Variants in OAS1 observed in about 807,000 individuals in gnomAD.
OAS1 encodes the protein 2'-5'-oligoadenylate synthetase 1, also known as 2'-5'-oligoadenylate synthase 1.
OAS1 carries 24 observed loss-of-function variants against 38.5 expected under a neutral mutation model. That is an observed-to-expected ratio of 0.62 (90% confidence interval 0.45 to 0.88). The LOEUF (loss-of-function observed/expected upper bound fraction) is 0.88. Among genes scored for constraint, OAS1 ranks in the 40% least tolerant of loss-of-function variants. The pLI is 0.00. For synonymous variants in OAS1, 169 were observed against 193.9 expected (o/e 0.87, Z 1.07); for missense variants, 482 against 493.9 (o/e 0.98, Z 0.23).
At chr12:112,909,572 G>A (rs1441772615) in intron 2 of OAS1, among the ~76,000 whole-genome samples, 2 of 152,150 alleles carry the variant, frequency 1.3e-5, no homozygotes, top group Non-Finnish European at 2.9e-5. Context: ...GAGACTGAAC[G>A]ATCACATGAG....
downstream of OAS1, among the ~76,000 whole-genome samples, chr12:112,921,455 A>G (rs2043528079): frequency 6.6e-6 from 1 of 152,220 alleles, no homozygotes; most frequent in Admixed American, 6.5e-5. Flanking sequence ...TGCTTGATCG[A>G]AGAGCCACAT....
At chr12:112,931,739 A>G in intron 6 of OAS1, 1 of 525,926 alleles carries the variant, frequency 1.9e-6, no homozygotes, top group South Asian at 3.2e-5. Flanking sequence ...GGGACTGCAC[A>G]GCAAATCAAG....
rs140095710 is a variant in OAS1, at chr12:112,915,756, G to A, written c.655-753G>A. 3.3e-4 allele frequency among the ~76,000 whole-genome samples: 50 copies of A among 152,266 alleles called. No homozygotes were observed. The East Asian group carries it at 9.1e-3, about 28-fold the overall frequency. On this transcript the variant is annotated intron_variant, in intron 3 of 5. Transcript: ENST00000202917. ...TTGATTCTACCCATTCATGAGCATG[G>A]GATGTGTTTCCATTTGTTTGTGTCA...
intron 5 of OAS1, 130 bp downstream of exon 5, chr12:112,917,830 C>T: frequency 6.3e-7 from 1 of 1,597,918 alleles, no homozygotes; most frequent in Non-Finnish European, 8.5e-7. Context: ...CATATAGTGA[C>T]AGGCTGTGCT....
At position 112,907,982 on chromosome 12, in the gene OAS1, C is replaced by A. The variant is rs151188796; in HGVS notation, c.181-554C>A. On this transcript the variant is annotated intron_variant, in intron 1 of 5. Coordinates refer to ENST00000202917, the MANE Select transcript of OAS1 (RefSeq NM_016816.4). ...GTGCAACTTCCCTTACCTTATGCAG[C>A]TGTGGGTATATCTCTAGGCAAGCAT... Among the ~76,000 whole-genome samples the A allele has an allele frequency of 4.7e-4, 71 of 152,316 alleles. No homozygotes were observed. In the East Asian group the frequency reaches 0.012, roughly 26 times the overall value.
chr12:112,914,161 C>T (rs2043423258), intron 3 of OAS1, among the ~76,000 whole-genome samples: 1 of 152,156 alleles, frequency 6.6e-6, no homozygotes, highest in African/African-American at 2.4e-5. Context: ...AGCTTAGCTC[C>T]CACATATGAG....
chr12:112,923,455 T>C (rs2043542247), downstream of OAS1, among the ~76,000 whole-genome samples: 1 of 152,236 alleles, frequency 6.6e-6, no homozygotes, highest in Non-Finnish European at 1.5e-5. Context: ...TGCACTTCTC[T>C]GATAATTAGT....
At chr12:112,910,972 A>G (rs2043368531) in intron 2 of OAS1, 79 bp from the exon 3 acceptor site, 1 of 1,341,514 alleles carries the variant, frequency 7.5e-7, no homozygotes, top group African/African-American at 1.4e-5. Flanking sequence ...CCCCATGGCC[A>G]GGGAGATTGT....
chr12:112,911,268 G>C (rs754062060), intron 3 of OAS1, 33 bp downstream of exon 3: 13 of 1,547,694 alleles, frequency 8.4e-6, no homozygotes, highest in Non-Finnish European at 2.6e-6. Context: ...GGTGGGTCCT[G>C]TCTCGACTGG....
At chr12:112,907,832 A>T (rs1254997813) in intron 1 of OAS1, 1 of 152,498 alleles carries the variant, frequency 6.6e-6, no homozygotes, top group Admixed American at 6.5e-5. Flanking sequence ...AAAAGAAGAA[A>T]GCTGTCTCCA....
intron 3 of OAS1, among the ~76,000 whole-genome samples, chr12:112,912,124 GC>G (rs1441326031): frequency 6.6e-6 from 1 of 152,278 alleles, no homozygotes; most frequent in East Asian, 1.9e-4. Flanking sequence ...GATTGCTTGA[GC>G]CCAGGAGTTC....
intron 2 of OAS1, 167 bp downstream of exon 2, chr12:112,908,991 A>G (rs2043340519): frequency 1.6e-6 from 1 of 641,630 alleles, no homozygotes; most frequent in African/African-American, 1.8e-5. Flanking sequence ...CTATCACAGG[A>G]GAGACATTAA....
At chr12:112,920,937 A>G (rs541676828), downstream of OAS1, among the ~76,000 whole-genome samples, 68 of 152,336 alleles carry the variant, frequency 4.5e-4, no homozygotes, top group African/African-American at 1.6e-3. Context: ...CAGAGTCTGA[A>G]CTTGAACCCT....
At chr12:112,913,584 A>C (rs1401307155) in intron 3 of OAS1, among the ~76,000 whole-genome samples, 1 of 152,050 alleles carries the variant, frequency 6.6e-6, no homozygotes, top group Non-Finnish European at 1.5e-5. Flanking sequence ...AGTTCCTTCT[A>C]ATCTACCTTC....
intron 5 of OAS1, chr12:112,917,958 G>A (rs895877515): frequency 7.1e-7 from 1 of 1,399,598 alleles, no homozygotes; most frequent in African/African-American, 1.4e-5. Context: ...TTTATTGACT[G>A]TCTGCTTCGG....
At position 112,917,600 on chromosome 12, in the gene OAS1, C is replaced by T; in HGVS notation, c.938C>T (p.Pro313Leu). The change falls in exon 5 of 6, where the codon CCA becomes CTA. Residue 313 changes from proline to leucine, a missense_variant. By Grantham distance (98) the Pro-to-Leu change is moderately conservative. Transcript: ENST00000202917. ...ACAGGAAACTTGGGTGGTGGAGACC[C>T]AAAGGGTTGGAGGCAGCTGGCACAA... is the stretch of plus-strand genomic sequence containing the variant. ...DPTGNLGGGD[P>L]KGWRQLAQEA... The T allele has an allele frequency of 6.2e-7, 1 of 1,614,162 alleles. No individual in the cohort carries two copies.
rs1372016367 is a variant in OAS1, at chr12:112,907,227, C to T, written c.180+8C>T. 2 of 1,612,868 alleles carry T rather than the reference C, an allele frequency of 1.2e-6. No homozygotes were observed. Among genetic ancestry groups the T allele is most frequent in the Admixed American group, 3.3e-5 (2 of 59,992 alleles). On this transcript the variant is annotated splice_region_variant and intron_variant, in intron 1 of 5. Coordinates refer to ENST00000202917, the MANE Select transcript of OAS1 (RefSeq NM_016816.4). ...GTGTCCAAGGTGGTAAAGGTGAGTCCAGGCCTGCCTGGCCAGGGGAGGGGT... is the reference window on the plus strand; with the variant it reads ...GTGTCCAAGGTGGTAAAGGTGAGTCTAGGCCTGCCTGGCCAGGGGAGGGGT...
At chr12:112,924,184 A>G (rs1041940491), downstream of OAS1, among the ~76,000 whole-genome samples, 1 of 152,208 alleles carries the variant, frequency 6.6e-6, no homozygotes, top group African/African-American at 2.4e-5. Context: ...AAATATTCCC[A>G]GAGCCCATCT....
intron 4 of OAS1, 123 bp from the exon 5 acceptor site, chr12:112,917,424 C>A: frequency 4.6e-6 from 6 of 1,301,936 alleles, no homozygotes; most frequent in South Asian, 1.4e-5. Flanking sequence ...CCCCAGGGAG[C>A]CCTTCCTCAT....
Sources: allele counts gnomAD v4.1 joint callset (sites outside exome capture counted in the v4.1 genomes callset), GRCh38; gene constraint gnomAD v4.1.1; transcripts MANE v1.5; gene names NCBI Gene and HGNC (gene_info 2026-07-23, HGNC 2026-07-21).